ATF7IP: variants seen among roughly 807,000 people sequenced by gnomAD.
ATF7IP encodes activating transcription factor 7-interacting protein 1.
A neutral mutation model predicts 106.4 loss-of-function variants in ATF7IP; 23 were observed. The observed-to-expected ratio is 0.22, with a 90% CI of 0.16 to 0.31. The LOEUF (loss-of-function observed/expected upper bound fraction) is 0.31. Among genes scored for constraint, ATF7IP ranks in the 10% least tolerant of loss-of-function variants. The pLI is 1.00. For synonymous variants in ATF7IP, 542 were observed against 539.0 expected (o/e 1.01, Z -0.08); for missense variants, 1,334 against 1,524.3 (o/e 0.88, Z 2.08).
At chr12:14,379,079 C>T (rs1157282195) in intron 1 of ATF7IP, among the ~76,000 whole-genome samples, 2 of 152,114 alleles carry the variant, frequency 1.3e-5, no homozygotes, top group East Asian at 3.8e-4. Context: ...AAATCATAAT[C>T]CTCTATGTTG....
At chr12:14,438,480 G>A (rs1464321659) in intron 5 of ATF7IP, among the ~76,000 whole-genome samples, 1 of 152,188 alleles carries the variant, frequency 6.6e-6, no homozygotes, top group Non-Finnish European at 1.5e-5. Context: ...CAGTTCTGGA[G>A]GCTAGAAGTT....
intron 13 of ATF7IP, among the ~76,000 whole-genome samples, chr12:14,487,961 A>G (rs370652877): frequency 6.6e-6 from 1 of 152,066 alleles, no homozygotes; most frequent in South Asian, 2.1e-4. Flanking sequence ...AAATGCATTT[A>G]TTTTGCATAA....
chr12:14,367,852 T>A (rs1399693893), intron 1 of ATF7IP, among the ~76,000 whole-genome samples: 4 of 152,112 alleles, frequency 2.6e-5, no homozygotes, highest in Non-Finnish European at 5.9e-5. Context: ...TATTAGTACT[T>A]TGTCAATAAC....
chr12:14,368,218 T>C (rs1938386797), intron 1 of ATF7IP, among the ~76,000 whole-genome samples: 1 of 152,110 alleles, frequency 6.6e-6, no homozygotes, highest in Non-Finnish European at 1.5e-5. Context: ...GTGACTTCAC[T>C]TTTCCATGAT....
intron 8 of ATF7IP, 60 bp from the exon 9 acceptor site, chr12:14,460,435 T>G (rs1943593020): frequency 6.9e-7 from 1 of 1,457,342 alleles, no homozygotes; most frequent in Non-Finnish European, 9.3e-7. Context: ...TCTGTCATAT[T>G]TTCTTAGTTG....
At chr12:14,437,173 T>C (rs1190328325) in intron 4 of ATF7IP, among the ~76,000 whole-genome samples, 5 of 152,234 alleles carry the variant, frequency 3.3e-5, no homozygotes, top group Non-Finnish European at 7.4e-5. Flanking sequence ...TCAACATGTG[T>C]TCACAAATGT....
At chr12:14,494,766 C>G (rs1944958096) in intron 13 of ATF7IP, among the ~76,000 whole-genome samples, 1 of 151,288 alleles carries the variant, frequency 6.6e-6, no homozygotes, top group Non-Finnish European at 1.5e-5. Context: ...AACCTCATCC[C>G]TACCAAAAAT....
chr12:14,487,819 C>T (rs1046309674), intron 13 of ATF7IP, among the ~76,000 whole-genome samples: 1 of 152,128 alleles, frequency 6.6e-6, no homozygotes, highest in African/African-American at 2.4e-5. Flanking sequence ...TTTCTTTTAT[C>T]ACTTTGTCCA....
At chr12:14,389,879 C>T (rs1254304190) in intron 1 of ATF7IP, among the ~76,000 whole-genome samples, 1 of 152,212 alleles carries the variant, frequency 6.6e-6, no homozygotes, top group Non-Finnish European at 1.5e-5. Context: ...CCGCCTCGGC[C>T]TCCCAAAGTG....
intron 2 of ATF7IP, among the ~76,000 whole-genome samples, chr12:14,427,365 C>CT (rs879724150): frequency 8.4e-4 from 122 of 144,988 alleles, no homozygotes; most frequent in African/African-American, 9.1e-4. Context: ...GAGTCTAATT[C>CT]TTTTTTTTTT....
chr12:14,372,787 AGCCC>A (rs1280582101), intron 1 of ATF7IP, among the ~76,000 whole-genome samples: 1 of 152,142 alleles, frequency 6.6e-6, no homozygotes, highest in Non-Finnish European at 1.5e-5. Flanking sequence ...TTGTTTGTAT[AGCCC>A]TATGCTACTT....
At chr12:14,471,585 A>G (rs1468051949) in intron 10 of ATF7IP, among the ~76,000 whole-genome samples, 2 of 152,084 alleles carry the variant, frequency 1.3e-5, no homozygotes, top group African/African-American at 2.4e-5. Context: ...TCACAGTTCC[A>G]CAGGGCTTGG....
intron 13 of ATF7IP, among the ~76,000 whole-genome samples, chr12:14,486,571 G>T (rs1447699085): frequency 1.3e-5 from 2 of 152,124 alleles, no homozygotes; most frequent in African/African-American, 2.4e-5. Flanking sequence ...CATTGACCTA[G>T]AAGTTTTTTG....
chr12:14,460,390 C>A, intron 8 of ATF7IP, 105 bp from the exon 9 acceptor site: 1 of 1,144,884 alleles, frequency 8.7e-7, no homozygotes, highest in Non-Finnish European at 1.2e-6. Context: ...ACTTTACAGT[C>A]TTTGCAATGT....
Position 14,374,931 on chromosome 12 carries a change from C to T in ATF7IP, c.-8+9104C>T, listed in dbSNP as rs576601969. 1.6e-3 allele frequency among the ~76,000 whole-genome samples: 238 copies of T among 151,780 alleles called. 2 individuals carry two copies. Among genetic ancestry groups the T allele is most frequent in the East Asian group, 5.8e-4 (3 of 5,172 alleles). ...ATAGTTATTTGTTTTTTGTGTAGTA[C>T]TTTATAAGTTTCCTGGGGTTAGGAA... On this transcript the variant is annotated intron_variant, in intron 1 of 14. Coordinates refer to ENST00000261168, the MANE Select transcript of ATF7IP (RefSeq NM_018179.5).
chr12:14,467,672 G>GTT (rs60962708), intron 10 of ATF7IP, among the ~76,000 whole-genome samples: 96 of 146,616 alleles, frequency 6.5e-4, no homozygotes, highest in South Asian at 6.4e-4. Context: ...CCCTCAGTGA[G>GTT]TTTTTTTTTT....
chr12:14,492,006 C>T lies in ATF7IP; in HGVS notation c.3281-4225C>T, dbSNP rs540512894. Among the ~76,000 whole-genome samples, 13 of 152,332 alleles carry T rather than the reference C, an allele frequency of 8.5e-5. No homozygotes were observed. In the South Asian group the frequency reaches 2.7e-3, roughly 32 times the overall value. ...GGTATGGGATATAGTTTTTGATTTA[C>T]TACTTTTTAGAGGCAGCTCTAATGG... On this transcript the variant is annotated intron_variant, in intron 13 of 14. Transcript: ENST00000261168.
intron 1 of ATF7IP, among the ~76,000 whole-genome samples, chr12:14,375,632 T>C (rs1392759239): frequency 2.0e-5 from 3 of 152,148 alleles, no homozygotes; most frequent in Admixed American, 2.0e-4. Context: ...GAAAGAACAG[T>C]AGTTTTGTAT....
chr12:14,446,973 T>C lies in ATF7IP; in HGVS notation c.1930-15T>C. ...TTTGATTTCCATTCATTTTTGTCTT[T>C]TTTTTTTTTTTCAGGCCAAGATAGC... On this transcript the variant is annotated splice_polypyrimidine_tract_variant and intron_variant, in intron 5 of 14. Coordinates refer to ENST00000261168, the MANE Select transcript of ATF7IP (RefSeq NM_018179.5). 1 of 1,512,626 alleles carries C rather than the reference T, an allele frequency of 6.6e-7. No homozygotes were observed. Among genetic ancestry groups the C allele is most frequent in the South Asian group, 1.3e-5 (1 of 76,310 alleles). 93.7% of individuals were successfully genotyped at this position (1,512,626 alleles called of 1,614,324 possible). A position where few individuals can be genotyped will look rare whatever the true frequency, so the allele number is the denominator to read the frequency against.
Sources: gnomAD v4.1 joint callset for allele counts (sites outside exome capture counted in the v4.1 genomes callset) on GRCh38, gnomAD v4.1.1 for gene constraint, MANE v1.5 for transcripts, NCBI Gene and HGNC (gene_info 2026-07-23, HGNC 2026-07-21) for gene names.